NECTIN3: variants seen among roughly 807,000 people sequenced by gnomAD.
The protein encoded by NECTIN3 is nectin cell adhesion molecule 3.
A neutral mutation model predicts 49.4 loss-of-function variants in NECTIN3; 8 were observed. The ratio of observed to expected loss-of-function variants is 0.16; its 90% CI spans 0.10 to 0.29. NECTIN3 has a LOEUF of 0.29. Ranked by LOEUF, NECTIN3 falls within the 10% of genes least tolerant of loss-of-function variation. The pLI, the probability that NECTIN3 is intolerant of heterozygous loss-of-function variation, is 1.00. For missense variants in NECTIN3, 581 were observed against 654.6 expected (o/e 0.89, Z 1.23); for synonymous variants, 277 against 241.1 (o/e 1.15, Z -1.38).
intron 7 of NECTIN3, among the ~76,000 whole-genome samples, chr3:111,182,759 A>C (rs1239582568): frequency 6.6e-6 from 1 of 152,006 alleles, no homozygotes; most frequent in Non-Finnish European, 1.5e-5. Context: ...GGTCACATGT[A>C]GTTGGGTATT....
downstream of NECTIN3, among the ~76,000 whole-genome samples, chr3:111,138,545 G>GTT (rs374461965): frequency 4.0e-5 from 6 of 151,512 alleles, no homozygotes; most frequent in African/African-American, 1.2e-4. Context: ...AACCAAAATT[G>GTT]TTTACAAAAG....
intron 1 of NECTIN3, among the ~76,000 whole-genome samples, chr3:111,089,376 ATAGT>A (rs752187429): frequency 1.8e-4 from 27 of 150,984 alleles, no homozygotes; most frequent in Non-Finnish European, 1.5e-4. Context: ...CTTCAGATGG[ATAGT>A]TAGATTACTG....
chr3:111,081,319 AC>A (rs1287056846), intron 1 of NECTIN3, among the ~76,000 whole-genome samples: 1 of 152,256 alleles, frequency 6.6e-6, no homozygotes, highest in East Asian at 1.9e-4. Context: ...AACAAGAAAA[AC>A]CACAACCCTA....
rs369560099 is a variant in NECTIN3 at position 111,116,861 on chromosome 3, A to G, written c.503-1795A>G. Among the ~76,000 whole-genome samples the G allele has an allele frequency of 3.4e-4, 51 of 152,194 alleles. No individual in the cohort carries two copies. In the South Asian group the frequency reaches 7.0e-3, roughly 21 times the overall value. ...CTGTGATAATATCAGCTGGGTGACAATATCAGCTGGTGAGTATATGGACCA... is the reference window on the plus strand; with the variant it reads ...CTGTGATAATATCAGCTGGGTGACAGTATCAGCTGGTGAGTATATGGACCA... On this transcript the variant is annotated intron_variant, in intron 2 of 5. Transcript: ENST00000485303.
chr3:111,123,114 C>T (rs1265050775), intron 4 of NECTIN3, among the ~76,000 whole-genome samples: 3 of 151,860 alleles, frequency 2.0e-5, no homozygotes, highest in Non-Finnish European at 4.4e-5. Context: ...TAAGACGGAG[C>T]ATCTTCTCAT....
chr3:111,170,819 G>T (rs185748467), intron 7 of NECTIN3, among the ~76,000 whole-genome samples: 2 of 152,254 alleles, frequency 1.3e-5, no homozygotes, highest in Admixed American at 6.5e-5. Context: ...AGCAGGGATT[G>T]CTAAAACACA....
chr3:111,126,011 A>C (rs929776807), intron 4 of NECTIN3, among the ~76,000 whole-genome samples, 173 bp from the exon 5 acceptor site: 1 of 152,040 alleles, frequency 6.6e-6, no homozygotes, highest in Non-Finnish European at 1.5e-5. Flanking sequence ...TTATTCATTC[A>C]TCTTTATTAA....
chr3:111,092,462 A>G (rs1293399386), intron 1 of NECTIN3, among the ~76,000 whole-genome samples: 1 of 152,124 alleles, frequency 6.6e-6, no homozygotes, highest in Non-Finnish European at 1.5e-5. Context: ...CCATTTTGAT[A>G]TAATTTTTGT....
rs777521619 is a variant in NECTIN3, at chr3:111,147,522, A to T, written c.1221+38A>T. 1.6e-5 allele frequency: 22 copies of T among 1,417,150 alleles called. No individual in the cohort carries two copies. In the African/African-American group the frequency reaches 2.9e-4, roughly 18 times the overall value. 87.8% of individuals were successfully genotyped at this position (1,417,150 alleles called of 1,614,324 possible). A position where few individuals can be genotyped will look rare whatever the true frequency, so the allele number is the denominator to read the frequency against. ...GAGTACACTTAAGATAATGTAAGATACAATTTAAAAAATACTAAGCCATTT... is the reference window on the plus strand; with the variant it reads ...GAGTACACTTAAGATAATGTAAGATTCAATTTAAAAAATACTAAGCCATTT... On this transcript the variant is annotated intron_variant, in intron 7 of 8. Coordinates refer to the NECTIN3 transcript ENST00000493615.
intron 1 of NECTIN3, among the ~76,000 whole-genome samples, chr3:111,093,595 T>TG (rs1306297221): frequency 6.6e-6 from 1 of 151,882 alleles, no homozygotes; most frequent in Non-Finnish European, 1.5e-5. Flanking sequence ...CCACCACGCC[T>TG]GGATAATTTT....
chr3:111,097,772 G>A (rs1313744934), intron 1 of NECTIN3, among the ~76,000 whole-genome samples: 1 of 152,140 alleles, frequency 6.6e-6, no homozygotes, highest in Non-Finnish European at 1.5e-5. Flanking sequence ...CTGTGGAACT[G>A]TGAGTTCTCC....
At chr3:111,125,022 C>CTTTTTTTTTTTTTTTTTTTTTT (rs869201432) in intron 4 of NECTIN3, among the ~76,000 whole-genome samples, 1 of 90,210 alleles carries the variant, frequency 1.1e-5, no homozygotes, top group Non-Finnish European at 2.0e-5. Context: ...TCTTTTCTTT[C>CTTTTTTTTTTTTTTTTTTTTTT]TTTTTTTTTT....
At chr3:111,112,584 C>T (rs1353243747) in intron 2 of NECTIN3, among the ~76,000 whole-genome samples, 1 of 151,964 alleles carries the variant, frequency 6.6e-6, no homozygotes, top group Non-Finnish European at 1.5e-5. Context: ...CTATGTAATG[C>T]TACATAGTTT....
chr3:111,191,180 G>A (rs188517033), upstream of NECTIN3, among the ~76,000 whole-genome samples: 105 of 152,242 alleles, frequency 6.9e-4, no homozygotes, highest in African/African-American at 2.4e-3. Context: ...ACAGAATTTG[G>A]AATTAGACAA....
chr3:111,160,157 A>T (rs1170518903), intron 7 of NECTIN3, among the ~76,000 whole-genome samples: 1 of 152,234 alleles, frequency 6.6e-6, no homozygotes, highest in East Asian at 1.9e-4. Context: ...ATGAATTTAT[A>T]ACCTTCTCTT....
chr3:111,125,414 C>T (rs936438475), intron 4 of NECTIN3, among the ~76,000 whole-genome samples: 2 of 152,068 alleles, frequency 1.3e-5, no homozygotes, highest in Non-Finnish European at 2.9e-5. Context: ...TTGTTACCCT[C>T]AGGTTAGAAA....
At chr3:111,101,501 A>G (rs1445679590) in intron 1 of NECTIN3, among the ~76,000 whole-genome samples, 1 of 152,126 alleles carries the variant, frequency 6.6e-6, no homozygotes, top group Non-Finnish European at 1.5e-5. Context: ...TAAACTTTTA[A>G]AAATTATTTG....
At chr3:111,193,353 A>G (rs1220594723) in intron 1 of NECTIN3, 1 of 1,535,542 alleles carries the variant, frequency 6.5e-7, no homozygotes, top group Middle Eastern at 1.7e-4. Context: ...GAGAGTCTAC[A>G]TCGACCCACG....
At chr3:111,177,981 G>A (rs1267244753) in intron 7 of NECTIN3, among the ~76,000 whole-genome samples, 2 of 152,084 alleles carry the variant, frequency 1.3e-5, no homozygotes, top group Non-Finnish European at 2.9e-5. Context: ...ACTTTCTTGT[G>A]TATTTTAATA....
Sources: gnomAD v4.1 joint callset for allele counts (sites outside exome capture counted in the v4.1 genomes callset) on GRCh38, gnomAD v4.1.1 for gene constraint, MANE v1.5 for transcripts, NCBI Gene and HGNC (gene_info 2026-07-23, HGNC 2026-07-21) for gene names.